Variants in CDKAL1 observed in about 807,000 individuals in gnomAD.
The protein encoded by CDKAL1 is CDKAL1 threonylcarbamoyladenosine tRNA methylthiotransferase.
Under a neutral mutation model 68.2 loss-of-function variants are expected in CDKAL1, and 32 were observed. The observed-to-expected ratio is 0.47, with a 90% CI of 0.35 to 0.63. CDKAL1 has a LOEUF of 0.63. Among genes scored for constraint, CDKAL1 ranks in the 30% least tolerant of loss-of-function variants. CDKAL1 has a pLI of 0.00. For missense variants in CDKAL1, 606 were observed against 696.7 expected (o/e 0.87, Z 1.47); for synonymous variants, 234 against 244.3 (o/e 0.96, Z 0.39).
chr6:21,030,055 G>A (rs1186897922), intron 11 of CDKAL1, among the ~76,000 whole-genome samples: 1 of 152,106 alleles, frequency 6.6e-6, no homozygotes, highest in Non-Finnish European at 1.5e-5. Flanking sequence ...ATTTACAATA[G>A]CAAAGACATG....
chr6:20,801,748 T>G (rs1447214787), intron 8 of CDKAL1, among the ~76,000 whole-genome samples: 2 of 152,176 alleles, frequency 1.3e-5, no homozygotes, highest in Non-Finnish European at 2.9e-5. Context: ...GCAATGGAAA[T>G]ATAGTAATCC....
At chr6:20,940,545 G>A (rs1358411613) in intron 9 of CDKAL1, among the ~76,000 whole-genome samples, 1 of 152,056 alleles carries the variant, frequency 6.6e-6, no homozygotes, top group Admixed American at 6.6e-5. Flanking sequence ...ATTTCAATTT[G>A]TAATCAATTT....
rs142828283 is a variant in CDKAL1 at position 20,888,124 on chromosome 6, C to T, written c.742+41946C>T. Among the ~76,000 whole-genome samples, 423 of 151,982 alleles carry T rather than the reference C, an allele frequency of 2.8e-3. 5 individuals are homozygous for T. Among genetic ancestry groups the T allele is most frequent in the African/African-American group, 9.6e-3 (396 of 41,452 alleles). Reference sequence around the variant, plus strand: ...ATTTCTCCTAATGCTGTCCCTCCCGCATTCCCGCACCCCATGACAGGCCCT... The same window carrying T: ...ATTTCTCCTAATGCTGTCCCTCCCGTATTCCCGCACCCCATGACAGGCCCT... On this transcript the variant is annotated intron_variant, in intron 9 of 15. Coordinates refer to ENST00000274695, the MANE Select transcript of CDKAL1 (RefSeq NM_017774.3).
At chr6:20,777,830 T>C (rs1775237829) in intron 7 of CDKAL1, among the ~76,000 whole-genome samples, 1 of 152,152 alleles carries the variant, frequency 6.6e-6, no homozygotes, top group African/African-American at 2.4e-5. Flanking sequence ...ATTCATAAAC[T>C]AGGCACAGTA....
intron 11 of CDKAL1, among the ~76,000 whole-genome samples, chr6:21,023,439 G>A (rs1768789513): frequency 6.6e-6 from 1 of 152,102 alleles, no homozygotes; most frequent in South Asian, 2.1e-4. Context: ...GCAGTGTTTT[G>A]ATATGAATTG....
At chr6:20,714,881 G>T (rs1772018381) in intron 5 of CDKAL1, among the ~76,000 whole-genome samples, 2 of 152,102 alleles carry the variant, frequency 1.3e-5, no homozygotes, top group Admixed American at 1.3e-4. Flanking sequence ...TTTGCATCAT[G>T]CTATGAATTT....
At chr6:20,745,200 C>T (rs919145660) in intron 6 of CDKAL1, among the ~76,000 whole-genome samples, 1 of 152,148 alleles carries the variant, frequency 6.6e-6, no homozygotes, top group Non-Finnish European at 1.5e-5. Context: ...AAAAGTGAAA[C>T]AGGATTGACT....
intron 5 of CDKAL1, among the ~76,000 whole-genome samples, chr6:20,681,804 T>C (rs1302063439): frequency 2.0e-5 from 3 of 152,198 alleles, no homozygotes; most frequent in African/African-American, 4.8e-5. Flanking sequence ...TCCTTTCCCA[T>C]GACATTACAG....
chr6:20,581,899 A>G (rs1765156098), intron 4 of CDKAL1, among the ~76,000 whole-genome samples: 1 of 152,180 alleles, frequency 6.6e-6, no homozygotes, highest in Admixed American at 6.5e-5. Flanking sequence ...TGTGCCAGGC[A>G]TTGTTCTGAA....
At chr6:20,772,139 T>C (rs1282167950) in intron 7 of CDKAL1, among the ~76,000 whole-genome samples, 2 of 152,214 alleles carry the variant, frequency 1.3e-5, no homozygotes, top group African/African-American at 2.4e-5. Flanking sequence ...TACAGTATCT[T>C]TGGGAATACA....
chr6:20,894,621 T>C (rs959838943), intron 9 of CDKAL1, among the ~76,000 whole-genome samples: 3 of 152,168 alleles, frequency 2.0e-5, no homozygotes, highest in Non-Finnish European at 4.4e-5. Context: ...TCATGTTGAG[T>C]GTTACAGGTT....
chr6:20,980,774 C>T (rs897646737), intron 10 of CDKAL1, among the ~76,000 whole-genome samples: 1 of 151,994 alleles, frequency 6.6e-6, no homozygotes, highest in African/African-American at 2.4e-5. Flanking sequence ...TGAGAGGATA[C>T]ACAACATCAA....
At position 20,739,576 on chromosome 6, in the gene CDKAL1, G is replaced by A; in HGVS notation, c.429G>A (p.Gln143=). The A allele has an allele frequency of 1.2e-6, 2 of 1,613,238 alleles. No homozygotes were observed. Among genetic ancestry groups the A allele is most frequent in the Non-Finnish European group, 1.7e-6 (2 of 1,179,424 alleles). Residue 143 remains glutamine (Q), a synonymous_variant, in exon 6 of 16, where the codon CAG becomes CAA. Coordinates refer to ENST00000274695, the MANE Select transcript of CDKAL1 (RefSeq NM_017774.3). The stretch of plus-strand genomic sequence containing the variant: ...TGGCTGGATGCGTTCCTCAAGCCCA[G>A]CCTCGCCAGGACTACCTTAAGGGAC... ...IVLAGCVPQA[Q]PRQDYLKGLS... is the part of the protein sequence containing the mutation.
At chr6:20,757,946 G>A (rs1774295684) in intron 6 of CDKAL1, among the ~76,000 whole-genome samples, 1 of 151,882 alleles carries the variant, frequency 6.6e-6, no homozygotes, top group Non-Finnish European at 1.5e-5. Context: ...TCATAATCCT[G>A]TTTAATCATA....
intron 13 of CDKAL1, among the ~76,000 whole-genome samples, chr6:21,153,660 C>T (rs1049080628): frequency 6.6e-6 from 1 of 152,074 alleles, no homozygotes; most frequent in South Asian, 2.1e-4. Flanking sequence ...AAAGACAGAA[C>T]TAACTGCTCA....
At chr6:20,819,402 GC>G (rs754581493) in intron 8 of CDKAL1, among the ~76,000 whole-genome samples, 2 of 151,976 alleles carry the variant, frequency 1.3e-5, no homozygotes, top group African/African-American at 2.4e-5. Context: ...CTAACTCCAG[GC>G]CTCTATGAAT....
chr6:21,037,117 G>C (rs373296646), intron 11 of CDKAL1, among the ~76,000 whole-genome samples: 1 of 152,066 alleles, frequency 6.6e-6, no homozygotes, highest in African/African-American at 2.4e-5. Flanking sequence ...AATCTAAAAC[G>C]GAAACCCAAT....
chr6:20,976,356 A>G (rs966686015), intron 10 of CDKAL1, among the ~76,000 whole-genome samples: 1 of 152,168 alleles, frequency 6.6e-6, no homozygotes, highest in African/African-American at 2.4e-5. Flanking sequence ...AAATACTGTA[A>G]AACAAGAAAA....
chr6:20,950,555 A>T (rs1345019333), intron 9 of CDKAL1, among the ~76,000 whole-genome samples: 3 of 152,244 alleles, frequency 2.0e-5, no homozygotes, highest in Non-Finnish European at 4.4e-5. Flanking sequence ...AATAAATATA[A>T]CATATATGTT....
Sources: allele counts gnomAD v4.1 joint callset (sites outside exome capture counted in the v4.1 genomes callset), GRCh38; gene constraint gnomAD v4.1.1; transcripts MANE v1.5; gene names NCBI Gene and HGNC (gene_info 2026-07-23, HGNC 2026-07-21).